Variants in ROBO2 observed in about 807,000 individuals in gnomAD.
ROBO2 encodes roundabout guidance receptor 2, also known as roundabout homolog 2.
Under a neutral mutation model 160.8 loss-of-function variants are expected in ROBO2, and 53 were observed. The ratio of observed to expected loss-of-function variants is 0.33; its 90% CI spans 0.26 to 0.41. The LOEUF (loss-of-function observed/expected upper bound fraction) is 0.41, where lower values mean the gene tolerates loss of function less well. ROBO2 is among the 10% of genes least tolerant of loss of function. The probability of loss-of-function intolerance (pLI) is 1.00; values close to 1 mark genes in which losing one functional copy is unlikely to be tolerated. For synonymous variants in ROBO2, 664 were observed against 611.7 expected, an observed-to-expected ratio of 1.09 and a Z score of -1.26; for missense variants, 1,577 against 1,722.4, an observed-to-expected ratio of 0.92 and a Z score of 1.49.
intron 2 of ROBO2, among the ~76,000 whole-genome samples, chr3:76,278,331 A>G (rs1011757281): frequency 1.3e-5 from 2 of 152,016 alleles, no homozygotes; most frequent in Non-Finnish European, 2.9e-5. Context: ...AATACCTTGA[A>G]TAATTGCAGA....
intron 2 of ROBO2, among the ~76,000 whole-genome samples, chr3:77,417,327 A>G (rs1161911710): frequency 6.6e-6 from 1 of 151,940 alleles, no homozygotes; most frequent in Non-Finnish European, 1.5e-5. Flanking sequence ...TTCACAGGCA[A>G]TCAATCCTTT....
rs201360792 is a variant in ROBO2 at position 76,794,074 on chromosome 3, A to T, written c.110-303940A>T. Among the ~76,000 whole-genome samples the T allele has an allele frequency of 3.3e-5, 5 of 152,012 alleles. No homozygotes were observed. In the East Asian group the frequency reaches 9.7e-4, roughly 30 times the overall value. On this transcript the variant is annotated intron_variant, in intron 2 of 26. Transcript: ENST00000487694. Reference sequence around the variant, plus strand: ...TTGGTTCTAATGCCTTGAATCTTGAAATCTTGTAATGATGCTTAAACAGCG... The same window carrying T: ...TTGGTTCTAATGCCTTGAATCTTGATATCTTGTAATGATGCTTAAACAGCG...
chr3:77,509,591 C>G (rs910371971), intron 5 of ROBO2, among the ~76,000 whole-genome samples: 4 of 152,014 alleles, frequency 2.6e-5, no homozygotes, highest in Non-Finnish European at 4.4e-5. Flanking sequence ...ATAACTTGAA[C>G]AAACTTAGAG....
At chr3:76,220,952 G>A (rs955826963) in intron 2 of ROBO2, among the ~76,000 whole-genome samples, 5 of 152,172 alleles carry the variant, frequency 3.3e-5, no homozygotes, top group Admixed American at 6.5e-5. Flanking sequence ...CTAAACCTTC[G>A]TTTCTAAAAG....
At chr3:77,432,628 G>A (rs1359233667) in intron 2 of ROBO2, among the ~76,000 whole-genome samples, 1 of 152,130 alleles carries the variant, frequency 6.6e-6, no homozygotes, top group Admixed American at 6.6e-5. Context: ...CTGCTTTGGG[G>A]CCACAATGAC....
At chr3:76,584,317 AAT>A (rs1165168751) in intron 2 of ROBO2, among the ~76,000 whole-genome samples, 1 of 129,726 alleles carries the variant, frequency 7.7e-6, no homozygotes, top group Admixed American at 7.6e-5. Context: ...CCAAGACTTC[AAT>A]ATATGATTCC....
At chr3:76,478,047 T>C (rs1181828234) in intron 2 of ROBO2, among the ~76,000 whole-genome samples, 3 of 151,328 alleles carry the variant, frequency 2.0e-5, no homozygotes, top group Admixed American at 1.3e-4. Flanking sequence ...ATTATTATAC[T>C]TTAAGTTTTA....
At chr3:76,334,639 A>G (rs1363768993) in intron 2 of ROBO2, among the ~76,000 whole-genome samples, 1 of 151,928 alleles carries the variant, frequency 6.6e-6, no homozygotes, top group Non-Finnish European at 1.5e-5. Context: ...TCCGTGCCCA[A>G]TGGAGATCAA....
intron 2 of ROBO2, among the ~76,000 whole-genome samples, chr3:76,441,309 A>G (rs1221017069): frequency 1.3e-5 from 2 of 152,196 alleles, no homozygotes; most frequent in East Asian, 1.9e-4. Context: ...TGGTAAACCT[A>G]TGAATAATAT....
Position 76,043,531 on chromosome 3 carries a change from A to T in ROBO2, c.109+105929A>T, listed in dbSNP as rs141385690. Among the ~76,000 whole-genome samples, 1,232 of 144,462 alleles carry T rather than the reference A, an allele frequency of 8.5e-3. 34 individuals carry two copies. Among genetic ancestry groups the T allele is most frequent in the African/African-American group, 0.03 (1,177 of 39,294 alleles). 94.8% of individuals were successfully genotyped at this position (144,462 alleles called of 152,430 possible). ...AAAGACCATGGCTGGAGAAGACCTA[A>T]CATTGACTCCAGCTCACTTGGATTT... On this transcript the variant is annotated intron_variant, in intron 2 of 26. Transcript: ENST00000487694.
At chr3:76,465,998 G>GGTGTGT (rs57838247) in intron 2 of ROBO2, among the ~76,000 whole-genome samples, 11,020 of 147,572 alleles carry the variant, frequency 0.075, 583 homozygotes, top group African/African-American at 0.14. Context: ...ATAAAATATG[G>GGTGTGT]GTGTGTGTGT....
chr3:76,216,225 G>A (rs922211682), intron 2 of ROBO2, among the ~76,000 whole-genome samples: 20 of 152,050 alleles, frequency 1.3e-4, no homozygotes, highest in Admixed American at 3.9e-4. Flanking sequence ...TGTAAAGATC[G>A]TCGAGGCTAG....
intron 2 of ROBO2, among the ~76,000 whole-genome samples, chr3:76,438,410 TCACACACACA>T (rs35326545): frequency 4.8e-5 from 7 of 146,202 alleles, no homozygotes; most frequent in African/African-American, 1.0e-4. Flanking sequence ...TGTAATCAGT[TCACACACACA>T]CACACACACA....
intron 2 of ROBO2, among the ~76,000 whole-genome samples, chr3:76,787,614 T>C (rs1265797169): frequency 1.3e-5 from 2 of 151,476 alleles, no homozygotes; most frequent in African/African-American, 4.8e-5. Context: ...ATGTATTTTA[T>C]TCAATATATA....
chr3:76,575,956 TAGA>T (rs2108649973), intron 2 of ROBO2, among the ~76,000 whole-genome samples: 1 of 151,958 alleles, frequency 6.6e-6, no homozygotes, highest in East Asian at 1.9e-4. Context: ...GTGCAAGGAG[TAGA>T]AGAATTTACA....
intron 2 of ROBO2, among the ~76,000 whole-genome samples, chr3:76,573,536 T>C (rs2085083471): frequency 6.6e-6 from 1 of 152,000 alleles, no homozygotes; most frequent in Admixed American, 6.6e-5. Flanking sequence ...TTTTTTTTTT[T>C]TTTGCTTATA....
intron 2 of ROBO2, among the ~76,000 whole-genome samples, chr3:76,975,257 C>T (rs984644099): frequency 2.6e-5 from 4 of 152,160 alleles, no homozygotes; most frequent in Admixed American, 1.3e-4. Flanking sequence ...GTAATCCCAG[C>T]ACTTTGGGAG....
chr3:76,999,736 T>G (rs1021032601), intron 2 of ROBO2, among the ~76,000 whole-genome samples: 5 of 152,190 alleles, frequency 3.3e-5, no homozygotes, highest in Non-Finnish European at 7.3e-5. Context: ...TTTCAAGAGT[T>G]GTATGCTTTC....
chr3:76,154,866 A>G (rs1277261309), intron 2 of ROBO2, among the ~76,000 whole-genome samples: 1 of 152,130 alleles, frequency 6.6e-6, no homozygotes, highest in Non-Finnish European at 1.5e-5. Flanking sequence ...CTTTTCAGCA[A>G]CTGTTGACTT....
Sources: gnomAD v4.1 joint callset for allele counts (sites outside exome capture counted in the v4.1 genomes callset) on GRCh38, gnomAD v4.1.1 for gene constraint, MANE v1.5 for transcripts, NCBI Gene and HGNC (gene_info 2026-07-23, HGNC 2026-07-21) for gene names.